ENKUR: variants seen among roughly 807,000 people sequenced by gnomAD.
ENKUR encodes the protein enkurin.
ENKUR carries 19 observed loss-of-function variants against 27.6 expected under a neutral mutation model. That is an observed-to-expected ratio of 0.69 (90% CI 0.48 to 1.01). The LOEUF (loss-of-function observed/expected upper bound fraction) is 1.01, where lower values mean the gene tolerates loss of function less well. ENKUR is among the 50% of genes least tolerant of loss of function. The pLI is 0.00. For synonymous variants in ENKUR, 117 were observed against 96.9 expected (o/e 1.21, Z -1.22); for missense variants, 312 against 310.5 (o/e 1.00, Z -0.04).
chr10:25,005,760 T>C (rs1477942969), intron 1 of ENKUR, among the ~76,000 whole-genome samples: 1 of 152,224 alleles, frequency 6.6e-6, no homozygotes, highest in Non-Finnish European at 1.5e-5. Flanking sequence ...TGGTTGTCTG[T>C]CATAGCTCTG....
intron 2 of ENKUR, among the ~76,000 whole-genome samples, chr10:25,043,666 T>A (rs1197568482): frequency 6.6e-6 from 1 of 152,108 alleles, no homozygotes; most frequent in Non-Finnish European, 1.5e-5. Context: ...ACACTATTTT[T>A]TCAAATAATT....
At position 24,995,863 on chromosome 10, in the gene ENKUR, T is replaced by A; in HGVS notation, c.230A>T (p.Asn77Ile). 1 of 1,601,150 alleles carries A rather than the reference T, an allele frequency of 6.2e-7. No homozygotes were observed. Among genetic ancestry groups the A allele is most frequent in the South Asian group, 1.1e-5 (1 of 87,270 alleles). Residue 77 changes from asparagine to isoleucine, a missense_variant, in exon 3 of 6, where the codon AAC becomes ATC. Transcript: ENST00000331161. Reference protein sequence around the residue: ...SKEKTLPPKKNFDRNVPKKPA... With the variant: ...SKEKTLPPKKIFDRNVPKKPA... ...CTTTTTGGGCACGTTCCGATCAAAGTTTTTTTCTGTTAAATATAACATTTC... is the reference window on the plus strand; with the variant it reads ...CTTTTTGGGCACGTTCCGATCAAAGATTTTTTCTGTTAAATATAACATTTC...
intron 3 of ENKUR, among the ~76,000 whole-genome samples, chr10:24,992,776 G>T (rs1849953908): frequency 6.6e-6 from 1 of 152,182 alleles, no homozygotes; most frequent in African/African-American, 2.4e-5. Context: ...ACAAGGGATA[G>T]AAATCCTAGA....
intron 2 of ENKUR, among the ~76,000 whole-genome samples, chr10:25,046,569 T>A (rs1359563529): frequency 6.6e-6 from 1 of 152,216 alleles, no homozygotes; most frequent in Non-Finnish European, 1.5e-5. Context: ...GCAAGTGATT[T>A]AATCTCTCTG....
chr10:24,988,312 G>A (rs985424479), intron 4 of ENKUR, among the ~76,000 whole-genome samples: 1 of 139,480 alleles, frequency 7.2e-6, no homozygotes, highest in South Asian at 2.2e-4. Context: ...ATATTTATAT[G>A]TGTGTATATA....
chr10:24,984,286 G>A lies in ENKUR; in HGVS notation c.*84C>T. 1 of 1,453,648 alleles carries A rather than the reference G, an allele frequency of 6.9e-7. No homozygotes were observed. Among genetic ancestry groups the A allele is most frequent in the Middle Eastern group, 1.8e-4 (1 of 5,600 alleles). The allele number at this position is 1,453,648 out of a possible 1,614,324, so 90.0% of individuals were successfully genotyped here. On this transcript the variant is annotated 3_prime_UTR_variant, in exon 6 of 6. Coordinates refer to ENST00000331161, the MANE Select transcript of ENKUR (RefSeq NM_145010.4). ...TGTGGAGCTCAGAAACAATGTGTTG[G>A]AGACAGTTTAGAGTAGCAAGAAGGC...
rs1473580352 is a variant in ENKUR, at chr10:25,010,734, G to A, written c.77+5126C>T. On this transcript the variant is annotated intron_variant, in intron 1 of 5. Transcript: ENST00000331161. ...CTTGTGATAGTTTACTGAGAATGAC[G>A]ATTTCCAATTTCATCCATGTCCCTA... Among the ~76,000 whole-genome samples the A allele has an allele frequency of 6.6e-5, 9 of 136,450 alleles. 2 individuals carry two copies. Among genetic ancestry groups the A allele is most frequent in the Admixed American group, 1.6e-4 (2 of 12,402 alleles). The allele number at this position is 136,450 out of a possible 152,430, so 89.5% of individuals were successfully genotyped here.
intron 2 of ENKUR, among the ~76,000 whole-genome samples, chr10:25,042,592 G>A (rs1417921547): frequency 6.6e-6 from 1 of 151,918 alleles, no homozygotes; most frequent in Non-Finnish European, 1.5e-5. Context: ...ACCATGCCTG[G>A]CCCTGAAAAA....
intron 2 of ENKUR, chr10:25,024,105 A>C (rs149139387): frequency 6.1e-5 from 99 of 1,614,082 alleles, no homozygotes; most frequent in Non-Finnish European, 7.8e-5. Flanking sequence ...GAGCACAGAT[A>C]CTGTTGGAAA....
At chr10:25,037,532 T>G (rs879434448) in intron 2 of ENKUR, among the ~76,000 whole-genome samples, 1 of 152,162 alleles carries the variant, frequency 6.6e-6, no homozygotes, top group East Asian at 1.9e-4. Context: ...ATAAATGATT[T>G]CCAAACCCTC....
chr10:25,035,423 T>G (rs1329148941), intron 2 of ENKUR, among the ~76,000 whole-genome samples: 1 of 152,046 alleles, frequency 6.6e-6, no homozygotes, highest in African/African-American at 2.4e-5. Flanking sequence ...GGCGTGGTGG[T>G]GCACACCTGT....
intron 4 of ENKUR, among the ~76,000 whole-genome samples, 184 bp downstream of exon 4, chr10:24,990,271 AATCCCTAT>A (rs1849896353): frequency 6.6e-6 from 1 of 152,246 alleles, no homozygotes; most frequent in Non-Finnish European, 1.5e-5. Context: ...TTATTAAATG[AATCCCTAT>A]ATCACAACTT....
intron 2 of ENKUR, among the ~76,000 whole-genome samples, chr10:25,036,560 G>A (rs1243961381): frequency 4.6e-5 from 7 of 152,154 alleles, no homozygotes; most frequent in Admixed American, 6.6e-5. Context: ...CCACAAGCAC[G>A]GTGCAGTGAA....
chr10:25,011,686 G>A (rs1332004123), intron 1 of ENKUR, among the ~76,000 whole-genome samples: 1 of 152,172 alleles, frequency 6.6e-6, no homozygotes, highest in Non-Finnish European at 1.5e-5. Flanking sequence ...AGGTTTTCAT[G>A]TCTAAAACAC....
At chr10:24,994,517 A>G (rs1468627054) in intron 3 of ENKUR, among the ~76,000 whole-genome samples, 2 of 151,632 alleles carry the variant, frequency 1.3e-5, no homozygotes, top group African/African-American at 4.8e-5. Context: ...TATTTTTAGT[A>G]GAGATGGGGT....
At chr10:25,060,883 GTT>G in intron 2 of ENKUR, among the ~76,000 whole-genome samples, 1 of 144,878 alleles carries the variant, frequency 6.9e-6, no homozygotes. Context: ...AATTTAAAAA[GTT>G]TTTTTTTTTT....
intron 2 of ENKUR, among the ~76,000 whole-genome samples, chr10:24,998,672 T>G (rs1352152871): frequency 1.3e-5 from 2 of 152,148 alleles, no homozygotes; most frequent in Non-Finnish European, 2.9e-5. Context: ...CATACATACC[T>G]GTCACACATC....
chr10:25,007,193 C>T (rs994016421), intron 1 of ENKUR, among the ~76,000 whole-genome samples: 1 of 152,062 alleles, frequency 6.6e-6, no homozygotes, highest in African/African-American at 2.4e-5. Context: ...TTCTCATATA[C>T]AATATATTGT....
chr10:25,019,865 CT>C (rs1283107805), upstream of ENKUR, among the ~76,000 whole-genome samples: 1 of 151,962 alleles, frequency 6.6e-6, no homozygotes, highest in African/African-American at 2.4e-5. Flanking sequence ...ATCCTCAAAT[CT>C]TTTTTTTCCA....
Sources: gnomAD v4.1 joint callset for allele counts (sites outside exome capture counted in the v4.1 genomes callset) on GRCh38, gnomAD v4.1.1 for gene constraint, MANE v1.5 for transcripts, NCBI Gene and HGNC (gene_info 2026-07-23, HGNC 2026-07-21) for gene names.